The following AOPEP variants were observed in gnomAD, a reference collection of about 807,000 sequenced individuals.
The protein encoded by AOPEP is aminopeptidase O.
A neutral mutation model predicts 98.1 loss-of-function variants in AOPEP; 77 were observed. The ratio of observed to expected loss-of-function variants is 0.78; its 90% CI spans 0.65 to 0.95. The LOEUF is 0.95. Among genes scored for constraint, AOPEP ranks in the 40% least tolerant of loss-of-function variants. The pLI, the probability that AOPEP is intolerant of heterozygous loss-of-function variation, is 0.00. For synonymous variants in AOPEP, 346 were observed against 365.3 expected, an observed-to-expected ratio of 0.95 and a Z score of 0.60; for missense variants, 1,024 against 1,024.7, an observed-to-expected ratio of 1.00 and a Z score of 0.01.
chr9:95,146,028 T>A, the AOPEP span, among the ~76,000 whole-genome samples: 42 of 152,040 alleles, frequency 2.8e-4, no homozygotes, highest in South Asian at 4.1e-4. Flanking sequence ...TCTAAGACAA[T>A]CAGGATAATT....
chr9:95,049,987 G>C (rs2066200353), intron 13 of AOPEP, among the ~76,000 whole-genome samples: 1 of 152,180 alleles, frequency 6.6e-6, no homozygotes, highest in Non-Finnish European at 1.5e-5. Context: ...TCCAGGCTCT[G>C]GGTCCAGGCT....
rs536497178 is a variant in AOPEP at position 94,784,924 on chromosome 9, A to ATATTT, written c.965-7819_965-7815dup. Among the ~76,000 whole-genome samples, 441 of 137,854 alleles carry ATATTT rather than the reference A, an allele frequency of 3.2e-3. 4 individuals are homozygous for ATATTT. Among genetic ancestry groups the ATATTT allele is most frequent in the African/African-American group, 0.01 (375 of 36,964 alleles). 90.4% of individuals were successfully genotyped at this position (137,854 alleles called of 152,430 possible). A position where few individuals can be genotyped will look rare whatever the true frequency, so the allele number is the denominator to read the frequency against. ...GAGTCACTGTGCCTGGCCCAGAACT[A>ATATTT]TATTTTATTTTATTTTATTTTATTT... is the stretch of plus-strand genomic sequence containing the variant. On this transcript the variant is annotated intron_variant, in intron 3 of 16. Transcript: ENST00000375315.
the AOPEP span, among the ~76,000 whole-genome samples, chr9:95,135,832 T>A: frequency 6.6e-6 from 1 of 152,208 alleles, no homozygotes; most frequent in Non-Finnish European, 1.5e-5. Context: ...GCCCAGTCCC[T>A]AACTGAAGAA....
At chr9:95,010,834 T>C (rs1031655325) in intron 13 of AOPEP, among the ~76,000 whole-genome samples, 2 of 152,200 alleles carry the variant, frequency 1.3e-5, no homozygotes, top group African/African-American at 4.8e-5. Flanking sequence ...GGCAGAATAA[T>C]TTATTAAAAG....
At chr9:95,000,622 C>T (rs1007936047) in intron 11 of AOPEP, among the ~76,000 whole-genome samples, 6 of 152,200 alleles carry the variant, frequency 3.9e-5, no homozygotes, top group Admixed American at 3.3e-4. Flanking sequence ...GCAGGAGAAT[C>T]GCTTGAGCCT....
chr9:94,816,403 C>CT (rs1564186827), intron 5 of AOPEP, among the ~76,000 whole-genome samples: 1 of 1,102 alleles, frequency 9.1e-4, no homozygotes, highest in East Asian at 0.1. Flanking sequence ...TGAAATTCGT[C>CT]CTGAATTTAG....
intron 1 of AOPEP, among the ~76,000 whole-genome samples, chr9:94,758,084 T>G (rs1837462994): frequency 6.6e-6 from 1 of 152,096 alleles, no homozygotes; most frequent in Non-Finnish European, 1.5e-5. Context: ...TATAGTTCAG[T>G]GGGGGAGGGA....
the AOPEP span, among the ~76,000 whole-genome samples, chr9:95,106,372 C>A: frequency 6.6e-6 from 1 of 152,310 alleles, no homozygotes; most frequent in South Asian, 2.1e-4. Flanking sequence ...AAACTCTAAT[C>A]ATATATATTA....
intron 3 of AOPEP, among the ~76,000 whole-genome samples, chr9:94,780,684 G>A (rs753582633): frequency 7.2e-5 from 11 of 152,224 alleles, no homozygotes; most frequent in Non-Finnish European, 5.9e-5. Flanking sequence ...ACAAGATGAT[G>A]CTATTTCCTT....
intron 4 of AOPEP, among the ~76,000 whole-genome samples, chr9:94,797,161 C>T (rs745444939): frequency 2.0e-4 from 31 of 152,156 alleles, no homozygotes; most frequent in Admixed American, 3.3e-4. Flanking sequence ...TGGCCAGGCG[C>T]GGTGGCTCAC....
chr9:95,097,983 C>A, the AOPEP span, among the ~76,000 whole-genome samples: 3 of 152,104 alleles, frequency 2.0e-5, no homozygotes, highest in Non-Finnish European at 2.9e-5. Context: ...CACCCGAGCC[C>A]CCGGGCTGGG....
At chr9:95,003,534 T>C (rs1382952835) in intron 11 of AOPEP, among the ~76,000 whole-genome samples, 4 of 152,166 alleles carry the variant, frequency 2.6e-5, no homozygotes, top group African/African-American at 9.7e-5. Flanking sequence ...GCATAAAAGG[T>C]TGAAGAGTTT....
At chr9:94,950,027 C>T (rs1160161150) in intron 7 of AOPEP, among the ~76,000 whole-genome samples, 1 of 152,208 alleles carries the variant, frequency 6.6e-6, no homozygotes, top group Non-Finnish European at 1.5e-5. Flanking sequence ...TCAGCAGTCT[C>T]ACCAAGGGAG....
At chr9:95,147,544 A>T in the AOPEP span, among the ~76,000 whole-genome samples, 438 of 152,262 alleles carry the variant, frequency 2.9e-3, 1 homozygote, top group African/African-American at 0.01. Context: ...AAAAGATGAA[A>T]CTGACACATC....
intron 11 of AOPEP, among the ~76,000 whole-genome samples, chr9:94,983,293 G>T (rs1181389802): frequency 6.6e-6 from 1 of 152,142 alleles, no homozygotes; most frequent in East Asian, 1.9e-4. Context: ...GAAGTGCTGG[G>T]ATTACAGATG....
chr9:94,851,535 T>G (rs2043546575), intron 5 of AOPEP, among the ~76,000 whole-genome samples: 1 of 151,856 alleles, frequency 6.6e-6, no homozygotes, highest in African/African-American at 2.4e-5. Flanking sequence ...CGTTCAAGTA[T>G]AATTTCCCCT....
intron 13 of AOPEP, among the ~76,000 whole-genome samples, chr9:95,044,892 A>G (rs1309120815): frequency 6.6e-6 from 1 of 152,132 alleles, no homozygotes; most frequent in African/African-American, 2.4e-5. Context: ...TGTAGTTTAC[A>G]TTTGAGGGTT....
At position 94,832,333 on chromosome 9, in the gene AOPEP, A is replaced by G. The variant is rs905394303; in HGVS notation, c.1364+31331A>G. ...GAAAAGATGTTCAACTTTTCTTATCATAGGAGAAATACAAATTAAAACTTC... is the reference window on the plus strand; with the variant it reads ...GAAAAGATGTTCAACTTTTCTTATCGTAGGAGAAATACAAATTAAAACTTC... On this transcript the variant is annotated intron_variant, in intron 5 of 16. Coordinates refer to ENST00000375315, the MANE Select transcript of AOPEP (RefSeq NM_001193329.3). 3.9e-5 allele frequency among the ~76,000 whole-genome samples: 6 copies of G among 152,236 alleles called. No homozygotes were observed. The East Asian group carries it at 5.8e-4, about 15-fold the overall frequency.
At chr9:95,080,296 G>A (rs1295056928) in intron 14 of AOPEP, among the ~76,000 whole-genome samples, 2 of 152,160 alleles carry the variant, frequency 1.3e-5, no homozygotes, top group African/African-American at 4.8e-5. Flanking sequence ...GAGAGGCTGG[G>A]GCGGGCGGAT....
Sources: allele counts gnomAD v4.1 joint callset (sites outside exome capture counted in the v4.1 genomes callset), GRCh38; gene constraint gnomAD v4.1.1; transcripts MANE v1.5; gene names NCBI Gene and HGNC (gene_info 2026-07-23, HGNC 2026-07-21).